The following CSMD1 variants were observed in gnomAD, a reference collection of about 807,000 sequenced individuals.
CSMD1 encodes CUB and Sushi multiple domains 1, also known as CUB and sushi domain-containing protein 1.
In CSMD1, 213 loss-of-function variants were observed where a neutral mutation model predicts 417.5. The ratio of observed to expected loss-of-function variants is 0.51; its 90% confidence interval spans 0.46 to 0.57. The LOEUF is 0.57. Among genes scored for constraint, CSMD1 ranks in the 20% least tolerant of loss-of-function variants. The pLI is 0.00. For synonymous variants in CSMD1, 2,862 were observed against 1,736.8 expected (o/e 1.65, Z -16.11); for missense variants, 6,923 against 4,529.7 (o/e 1.53, Z -15.17).
intron 10 of CSMD1, among the ~76,000 whole-genome samples, chr8:3,531,386 T>C (rs763975400): frequency 1.4e-4 from 22 of 152,188 alleles, no homozygotes; most frequent in Non-Finnish European, 2.6e-4. Flanking sequence ...GTTTTCATTA[T>C]AGAATCTGGA....
chr8:3,312,799 C>G (rs974975084), intron 23 of CSMD1, among the ~76,000 whole-genome samples: 19 of 117,392 alleles, frequency 1.6e-4, no homozygotes, highest in African/African-American at 6.7e-4. Flanking sequence ...CTCAGGTTCT[C>G]AAAGGCAGTT....
chr8:3,041,397 T>C (rs1811080260), intron 50 of CSMD1, among the ~76,000 whole-genome samples: 1 of 152,184 alleles, frequency 6.6e-6, no homozygotes, highest in African/African-American at 2.4e-5. Flanking sequence ...TCCCAGGTAA[T>C]ATCATAAATA....
At chr8:3,274,371 G>C (rs1372505077) in intron 26 of CSMD1, among the ~76,000 whole-genome samples, 1 of 152,142 alleles carries the variant, frequency 6.6e-6, no homozygotes, top group Non-Finnish European at 1.5e-5. Context: ...TTTGGAGTAG[G>C]TGTGGTGTGG....
intron 3 of CSMD1, among the ~76,000 whole-genome samples, chr8:4,234,574 G>A (rs1014081629): frequency 2.6e-5 from 4 of 152,004 alleles, no homozygotes; most frequent in Non-Finnish European, 5.9e-5. Context: ...ACAATTCTGC[G>A]CTGCTTTTTT....
At chr8:4,433,433 C>T (rs903568600) in intron 2 of CSMD1, among the ~76,000 whole-genome samples, 14 of 152,042 alleles carry the variant, frequency 9.2e-5, no homozygotes, top group Admixed American at 2.0e-4. Context: ...AGGAATAGGG[C>T]ACATTAAAGG....
rs184768372 is a variant in CSMD1 at position 4,484,744 on chromosome 8, C to T, written c.303-64679G>A. ...CAGCACTTTGGGAGGCAGAGACGGG[C>T]GGATCACGAGGTCAGGAGATCGAGA... On this transcript the variant is annotated intron_variant, in intron 2 of 69. Transcript: ENST00000635120. Among the ~76,000 whole-genome samples the T allele has an allele frequency of 1.2e-3, 186 of 151,902 alleles. 4 individuals carry two copies. In the East Asian group the frequency reaches 0.032, roughly 26 times the overall value.
At chr8:4,459,531 T>A (rs1273555590) in intron 2 of CSMD1, among the ~76,000 whole-genome samples, 2 of 152,112 alleles carry the variant, frequency 1.3e-5, no homozygotes, top group Non-Finnish European at 2.9e-5. Context: ...GATAAGCAAT[T>A]TAGAGGAGCC....
At chr8:4,110,640 G>GAGTT (rs1443759111) in intron 3 of CSMD1, among the ~76,000 whole-genome samples, 1 of 149,876 alleles carries the variant, frequency 6.7e-6, no homozygotes, top group African/African-American at 2.5e-5. Context: ...ATATACAGGT[G>GAGTT]TGTGTGTGCA....
intron 5 of CSMD1, among the ~76,000 whole-genome samples, chr8:3,914,848 T>G (rs1808708592): frequency 6.6e-6 from 1 of 152,174 alleles, no homozygotes; most frequent in Non-Finnish European, 1.5e-5. Context: ...TGCAAATACT[T>G]CCAAGGCACA....
chr8:3,811,484 C>T (rs375766598), intron 5 of CSMD1, among the ~76,000 whole-genome samples: 1 of 152,218 alleles, frequency 6.6e-6, no homozygotes, highest in East Asian at 1.9e-4. Flanking sequence ...TTTTCCCAAC[C>T]GAGTGCCTGT....
At chr8:4,201,891 G>GC (rs1329403389) in intron 3 of CSMD1, among the ~76,000 whole-genome samples, 1 of 148,680 alleles carries the variant, frequency 6.7e-6, no homozygotes, top group Non-Finnish European at 1.5e-5. Flanking sequence ...AAATTTTGGG[G>GC]GGGGGGGGCG....
intron 20 of CSMD1, among the ~76,000 whole-genome samples, chr8:3,364,619 G>A (rs67005112): frequency 1.3e-5 from 2 of 151,996 alleles, no homozygotes; most frequent in Admixed American, 6.5e-5. Flanking sequence ...TGTCATGAGG[G>A]ACCCACCCTC....
intron 45 of CSMD1, chr8:3,106,850 G>C (rs1053675973): frequency 2.5e-6 from 1 of 400,824 alleles, no homozygotes; most frequent in Non-Finnish European, 4.4e-6. Flanking sequence ...GCCGATATTA[G>C]TACTGAAATG....
intron 1 of CSMD1, among the ~76,000 whole-genome samples, chr8:4,660,022 T>C (rs973030021): frequency 1.3e-5 from 2 of 149,582 alleles, no homozygotes; most frequent in Admixed American, 6.7e-5. Flanking sequence ...TTATACTTAA[T>C]AGTGAAAGGC....
At chr8:4,270,615 C>T (rs966327589) in intron 3 of CSMD1, among the ~76,000 whole-genome samples, 1 of 152,180 alleles carries the variant, frequency 6.6e-6, no homozygotes, top group African/African-American at 2.4e-5. Context: ...CTGATTTTGA[C>T]TCTGATAGAA....
intron 26 of CSMD1, among the ~76,000 whole-genome samples, chr8:3,244,600 C>T (rs1428760463): frequency 6.6e-6 from 1 of 152,194 alleles, no homozygotes; most frequent in African/African-American, 2.4e-5. Context: ...CATAGACACA[C>T]GTTGAACCCA....
chr8:3,394,178 A>T (rs1811547425), intron 17 of CSMD1, among the ~76,000 whole-genome samples: 1 of 145,988 alleles, frequency 6.8e-6, no homozygotes, highest in African/African-American at 2.5e-5. Context: ...ATACCAAAAC[A>T]TAGGGTAGTC....
At chr8:3,321,695 T>C (rs1190374974) in intron 23 of CSMD1, among the ~76,000 whole-genome samples, 3 of 136,726 alleles carry the variant, frequency 2.2e-5, no homozygotes, top group South Asian at 5.1e-4. Flanking sequence ...AGACAATGTG[T>C]CTGTAAGTGC....
intron 2 of CSMD1, among the ~76,000 whole-genome samples, chr8:4,433,319 C>T (rs551287516): frequency 4.6e-5 from 7 of 152,292 alleles, no homozygotes; most frequent in African/African-American, 1.7e-4. Flanking sequence ...CGAAACTGGT[C>T]CCTGGCACCA....
Sources: gnomAD v4.1 joint callset for allele counts (sites outside exome capture counted in the v4.1 genomes callset) on GRCh38, gnomAD v4.1.1 for gene constraint, MANE v1.5 for transcripts, NCBI Gene and HGNC (gene_info 2026-07-23, HGNC 2026-07-21) for gene names.